DAG1: variants seen among roughly 807,000 people sequenced by gnomAD.
The protein encoded by DAG1 is dystroglycan 1 (dystrophin-associated glycoprotein 1).
In DAG1, 8 loss-of-function variants were observed where a neutral mutation model predicts 46.1. The observed-to-expected ratio is 0.17, with a 90% CI of 0.10 to 0.31. DAG1 has a LOEUF of 0.31. DAG1 is among the 10% of genes least tolerant of loss of function. The probability of loss-of-function intolerance (pLI) is 1.00; values close to 1 mark genes in which losing one functional copy is unlikely to be tolerated. For synonymous variants in DAG1, 495 were observed against 481.8 expected, an observed-to-expected ratio of 1.03 and a Z score of -0.36; for missense variants, 1,003 against 1,189.9, an observed-to-expected ratio of 0.84 and a Z score of 2.31.
At chr3:49,502,209 A>G (rs959074484) in intron 1 of DAG1, among the ~76,000 whole-genome samples, 4 of 152,298 alleles carry the variant, frequency 2.6e-5, no homozygotes, top group Non-Finnish European at 4.4e-5. Flanking sequence ...AACTTGGAGC[A>G]CTTTATAGAG....
intron 2 of DAG1, among the ~76,000 whole-genome samples, chr3:49,524,141 T>C (rs1232534873): frequency 6.6e-6 from 1 of 152,150 alleles, no homozygotes; most frequent in African/African-American, 2.4e-5. Flanking sequence ...GAGCAGGTGC[T>C]TTATCCCCTA....
intron 1 of DAG1, among the ~76,000 whole-genome samples, chr3:49,503,222 T>C (rs1231103040): frequency 1.3e-5 from 2 of 152,364 alleles, no homozygotes; most frequent in Admixed American, 6.5e-5. Flanking sequence ...CATGTGGTCC[T>C]GTTCCCTCAG....
chr3:49,521,128 C>T (rs1202339643), intron 2 of DAG1, among the ~76,000 whole-genome samples: 1 of 151,928 alleles, frequency 6.6e-6, no homozygotes, highest in Admixed American at 6.6e-5. Flanking sequence ...GCTTGAGTTT[C>T]ATGGTGTTTT....
intron 1 of DAG1, among the ~76,000 whole-genome samples, chr3:49,490,475 G>C (rs1165549223): frequency 9.9e-5 from 15 of 151,186 alleles, no homozygotes; most frequent in Non-Finnish European, 2.9e-5. Context: ...TGCTGTGTTT[G>C]CTCTGTCATT....
chr3:49,524,715 G>A (rs1291713969), intron 2 of DAG1, among the ~76,000 whole-genome samples: 1 of 152,130 alleles, frequency 6.6e-6, no homozygotes, highest in East Asian at 1.9e-4. Context: ...GGGCATGGTG[G>A]CCCACACCTG....
At chr3:49,505,631 G>A (rs1246207483) in intron 1 of DAG1, among the ~76,000 whole-genome samples, 1 of 151,996 alleles carries the variant, frequency 6.6e-6, no homozygotes, top group Non-Finnish European at 1.5e-5. Flanking sequence ...TATGTCATCT[G>A]CAAATAAGGG....
At chr3:49,526,483 C>G (rs2051174923) in intron 2 of DAG1, among the ~76,000 whole-genome samples, 1 of 152,102 alleles carries the variant, frequency 6.6e-6, no homozygotes, top group East Asian at 1.9e-4. Context: ...CTGAGGCAGC[C>G]AGATCACTGG....
In DAG1 at chr3:49,530,782, T is replaced by G; in HGVS notation, c.286-15T>G. 1.2e-6 allele frequency: 2 copies of G among 1,614,226 alleles called. No homozygotes were observed. Among genetic ancestry groups the G allele is most frequent in the Non-Finnish European group, 1.7e-6 (2 of 1,180,038 alleles). ...TGACAATAGTATTTTTAATTTATGC[T>G]TGTGTCTCTTCTAGGTATCAGCGGC... is the stretch of plus-strand genomic sequence containing the variant. On this transcript the variant is annotated splice_polypyrimidine_tract_variant and intron_variant, in intron 2 of 2. Transcript: ENST00000308775.
intron 1 of DAG1, among the ~76,000 whole-genome samples, chr3:49,504,761 A>ATTTTTTTTTTTT (rs57684297): frequency 2.3e-3 from 205 of 89,880 alleles, no homozygotes; most frequent in Middle Eastern, 7.9e-3. Context: ...CGCCCAGCTA[A>ATTTTTTTTTTTT]TTTTTTTTTT....
intron 1 of DAG1, among the ~76,000 whole-genome samples, chr3:49,482,522 TTG>T (rs2049915597): frequency 6.6e-6 from 1 of 152,206 alleles, no homozygotes; most frequent in South Asian, 2.1e-4. Flanking sequence ...CAATGCTGCC[TTG>T]TTATTCTTTA....
chr3:49,496,012 T>C (rs1388262741), intron 1 of DAG1, among the ~76,000 whole-genome samples: 11 of 152,036 alleles, frequency 7.2e-5, no homozygotes, highest in Admixed American at 7.2e-4. Flanking sequence ...CAGTTTATCC[T>C]TTTCTGTCTT....
chr3:49,486,746 G>A (rs2107216578), intron 1 of DAG1, among the ~76,000 whole-genome samples: 1 of 151,680 alleles, frequency 6.6e-6, no homozygotes, highest in South Asian at 2.1e-4. Context: ...CGGGTGATCT[G>A]CCCACCTCAG....
chr3:49,469,864 C>G (rs975118474), upstream of DAG1, among the ~76,000 whole-genome samples: 1 of 152,232 alleles, frequency 6.6e-6, no homozygotes, highest in African/African-American at 2.4e-5. Context: ...AGTTCGCAGT[C>G]CTGACTGTCC....
At chr3:49,527,253 G>A (rs2051199328) in intron 2 of DAG1, among the ~76,000 whole-genome samples, 1 of 150,740 alleles carries the variant, frequency 6.6e-6, no homozygotes, top group Non-Finnish European at 1.5e-5. Flanking sequence ...TGCCGGGCGC[G>A]GTGGCTCACG....
chr3:49,488,196 T>C (rs1388128899), intron 1 of DAG1, among the ~76,000 whole-genome samples: 3 of 152,144 alleles, frequency 2.0e-5, no homozygotes, highest in East Asian at 1.9e-4. Flanking sequence ...AATCAAACAA[T>C]AAGGGCAGGG....
chr3:49,488,550 A>G (rs936630802), intron 1 of DAG1: 1 of 152,128 alleles, frequency 6.6e-6, no homozygotes, highest in African/African-American at 2.4e-5. Context: ...AGAAGGATCT[A>G]CCCACTGGGG....
chr3:49,472,989 C>T (rs969737866), intron 1 of DAG1, among the ~76,000 whole-genome samples: 3 of 148,518 alleles, frequency 2.0e-5, no homozygotes, highest in African/African-American at 5.0e-5. Flanking sequence ...GGCATGGTGG[C>T]GGGCGCCTTT....
At chr3:49,498,817 A>G (rs757028144) in intron 1 of DAG1, among the ~76,000 whole-genome samples, 3 of 151,700 alleles carry the variant, frequency 2.0e-5, no homozygotes, top group Non-Finnish European at 4.4e-5. Context: ...CAAGCAGTTC[A>G]TTCACCTCAG....
chr3:49,492,919 T>G (rs538387689), intron 1 of DAG1: 30 of 152,260 alleles, frequency 2.0e-4, no homozygotes, highest in African/African-American at 5.5e-4. Context: ...ACCCACAGCT[T>G]AATTCTTCAG....
Sources: allele counts gnomAD v4.1 joint callset (sites outside exome capture counted in the v4.1 genomes callset), GRCh38; gene constraint gnomAD v4.1.1; transcripts MANE v1.5; gene names NCBI Gene and HGNC (gene_info 2026-07-23, HGNC 2026-07-21).